Variants in PCDHA5 observed in about 807,000 individuals in gnomAD.
The protein encoded by PCDHA5 is protocadherin alpha-5.
Under a neutral mutation model 61.6 loss-of-function variants are expected in PCDHA5, and 43 were observed. The ratio of observed to expected loss-of-function variants is 0.70; its 90% CI spans 0.55 to 0.90. PCDHA5 has a LOEUF of 0.90. Ranked by LOEUF, PCDHA5 falls within the 40% of genes least tolerant of loss-of-function variation. PCDHA5 has a pLI of 0.00. For synonymous variants in PCDHA5, 627 were observed against 543.9 expected (o/e 1.15, Z -2.13); for missense variants, 1,298 against 1,222.7 (o/e 1.06, Z -0.92).
chr5:140,825,136 T>C (rs1314909721), intron 1 of PCDHA5: 1 of 151,816 alleles, frequency 6.6e-6, no homozygotes, highest in Non-Finnish European at 1.5e-5. Flanking sequence ...TTAAAAAACA[T>C]ATGAGTATTG....
chr5:140,924,926 T>A (rs1554202369), intron 1 of PCDHA5, among the ~76,000 whole-genome samples: 1 of 119,426 alleles, frequency 8.4e-6, no homozygotes, highest in African/African-American at 3.1e-5. Flanking sequence ...TAAAATAAAA[T>A]AAAATAAAAT....
chr5:140,855,908 C>T, intron 1 of PCDHA5: 1 of 1,151,190 alleles, frequency 8.7e-7, no homozygotes, highest in Non-Finnish European at 1.2e-6. Context: ...GCCAGTTTCT[C>T]AAGGACTAGG....
chr5:140,950,914 T>G (rs1198787949), intron 1 of PCDHA5, among the ~76,000 whole-genome samples: 1 of 152,044 alleles, frequency 6.6e-6, no homozygotes, highest in Non-Finnish European at 1.5e-5. Context: ...TTTATTTTAT[T>G]TCAGTTCTTT....
chr5:140,878,408 T>G (rs1554170402), intron 1 of PCDHA5, among the ~76,000 whole-genome samples: 2 of 152,244 alleles, frequency 1.3e-5, no homozygotes, highest in Non-Finnish European at 2.9e-5. Context: ...AAATATCTTC[T>G]TTATTTCAAG....
chr5:140,918,153 C>A (rs1554198452), intron 1 of PCDHA5, among the ~76,000 whole-genome samples: 2 of 152,036 alleles, frequency 1.3e-5, no homozygotes, highest in African/African-American at 2.4e-5. Flanking sequence ...TTGTGTATGT[C>A]TATTGTAAAT....
In PCDHA5 at chr5:141,011,694, G is replaced by A. The variant is rs1473857552; in HGVS notation, c.*1757G>A. 1.3e-5 allele frequency: 2 copies of A among 153,662 alleles called. No individual in the cohort carries two copies. Among genetic ancestry groups the A allele is most frequent in the African/African-American group, 4.8e-5 (2 of 41,412 alleles). The allele number at this position is 153,662 out of a possible 1,614,324, so 9.5% of individuals were successfully genotyped here. On this transcript the variant is annotated 3_prime_UTR_variant, in exon 4 of 4. Coordinates refer to ENST00000529859, the MANE Select transcript of PCDHA5 (RefSeq NM_018908.3). The stretch of plus-strand genomic sequence containing the variant: ...CTGTTTTGTTCTAGTAACAATTTTG[G>A]AATGAATACTGACAATATTCCATGA...
intron 1 of PCDHA5, among the ~76,000 whole-genome samples, chr5:140,827,343 T>C (rs985116670): frequency 1.3e-5 from 2 of 152,128 alleles, no homozygotes; most frequent in African/African-American, 4.8e-5. Flanking sequence ...GTGAAGTATA[T>C]GAAAAGAAAA....
At chr5:140,947,550 G>T (rs967081376) in intron 1 of PCDHA5, among the ~76,000 whole-genome samples, 1 of 151,402 alleles carries the variant, frequency 6.6e-6, no homozygotes, top group Non-Finnish European at 1.5e-5. Flanking sequence ...AAAGAATTCC[G>T]CTGGGATTTA....
intron 3 of PCDHA5, among the ~76,000 whole-genome samples, chr5:141,004,385 G>C (rs1388217607): frequency 6.6e-6 from 1 of 152,192 alleles, no homozygotes; most frequent in Non-Finnish European, 1.5e-5. Flanking sequence ...TGCGGAAGCT[G>C]GACATGTGGA....
At chr5:140,843,846 C>A in intron 1 of PCDHA5, 3 of 993,808 alleles carry the variant, frequency 3.0e-6, no homozygotes, top group Non-Finnish European at 4.4e-6. Context: ...TTTTAGAAAC[C>A]TTTTATAATT....
In PCDHA5 at chr5:140,846,436, G is replaced by T. The variant is rs191314082; in HGVS notation, c.2352+22309G>T. ...ATCTCCCAGGCTGGAATGCAGTGGCGCAATCTCGGCTCACTGCAACCTCTG... is the reference window on the plus strand; with the variant it reads ...ATCTCCCAGGCTGGAATGCAGTGGCTCAATCTCGGCTCACTGCAACCTCTG... On this transcript the variant is annotated intron_variant, in intron 1 of 3. Transcript: ENST00000529859. 7.4e-4 allele frequency among the ~76,000 whole-genome samples: 97 copies of T among 131,384 alleles called. 7 individuals carry two copies. The highest frequency in any genetic ancestry group is 2.7e-3 in the Admixed American group (32 of 11,706). The allele number at this position is 131,384 out of a possible 152,430, so 86.2% of individuals were successfully genotyped here.
rs545409584 is a variant in PCDHA5, at chr5:140,952,105, G to A, written c.2353-26844G>A. 3.3e-5 allele frequency among the ~76,000 whole-genome samples: 5 copies of A among 152,218 alleles called. 1 individual carries two copies. Among genetic ancestry groups the A allele is most frequent in the African/African-American group, 4.8e-5 (2 of 41,536 alleles). ...CATGTCTCACATCCAGGGCACACTC[G>A]TGTGAGGGATGGGCTCCCAAGGCCT... is the stretch of plus-strand genomic sequence containing the variant. On this transcript the variant is annotated intron_variant, in intron 1 of 3. Coordinates refer to ENST00000529859, the MANE Select transcript of PCDHA5 (RefSeq NM_018908.3).
chr5:140,993,850 G>A (rs1187946683), intron 3 of PCDHA5, among the ~76,000 whole-genome samples: 2 of 152,144 alleles, frequency 1.3e-5, no homozygotes, highest in African/African-American at 4.8e-5. Context: ...TATGTAGTAG[G>A]CTATGCCATC....
chr5:140,842,789 G>T (rs1554139384), intron 1 of PCDHA5: 1 of 1,594,392 alleles, frequency 6.3e-7, no homozygotes, highest in African/African-American at 1.3e-5. Context: ...GAACGCGCTG[G>T]TGTCCTACTC....
intron 1 of PCDHA5, chr5:140,849,861 G>A (rs2150454483): frequency 1.9e-6 from 3 of 1,598,586 alleles, no homozygotes; most frequent in Admixed American, 3.4e-5. Context: ...ACCAGCGTTC[G>A]CGCAGTCCGA....
intron 1 of PCDHA5, among the ~76,000 whole-genome samples, chr5:140,899,128 T>A (rs1217010779): frequency 3.9e-5 from 6 of 152,160 alleles, no homozygotes; most frequent in Non-Finnish European, 7.3e-5. Context: ...CAATCATGTC[T>A]TCTGCAAACA....
chr5:140,857,665 G>C, intron 1 of PCDHA5: 1 of 1,596,910 alleles, frequency 6.3e-7, no homozygotes, highest in East Asian at 2.2e-5. Flanking sequence ...CGCGCGATGG[G>C]GGCGTGCCGC....
intron 1 of PCDHA5, among the ~76,000 whole-genome samples, chr5:140,891,658 C>T (rs1241439148): frequency 6.6e-6 from 1 of 151,928 alleles, no homozygotes; most frequent in Non-Finnish European, 1.5e-5. Context: ...GATAGTTCAC[C>T]CACCTTAAAG....
intron 1 of PCDHA5, chr5:140,926,588 C>A: frequency 3.4e-6 from 1 of 293,528 alleles, no homozygotes; most frequent in Admixed American, 5.0e-5. Context: ...CTCTCGCGCC[C>A]GGGCGGGCGG....
Sources: allele counts gnomAD v4.1 joint callset (sites outside exome capture counted in the v4.1 genomes callset), GRCh38; gene constraint gnomAD v4.1.1; transcripts MANE v1.5; gene names NCBI Gene and HGNC (gene_info 2026-07-23, HGNC 2026-07-21).